Variants in ATOSA observed in about 807,000 individuals in gnomAD.
ATOSA encodes atos homolog protein A.
At chr15:52,665,846 T>C in the ATOSA span, among the ~76,000 whole-genome samples, 26 of 152,178 alleles carry the variant, frequency 1.7e-4, no homozygotes, top group Non-Finnish European at 1.9e-4. Flanking sequence ...ATTGGCCAAA[T>C]GACACAGGCA....
the ATOSA span, among the ~76,000 whole-genome samples, chr15:52,622,073 C>T: frequency 6.6e-6 from 1 of 152,054 alleles, no homozygotes; most frequent in African/African-American, 2.4e-5. Context: ...TCTCGAACTC[C>T]TGACCTCAAG....
At chr15:52,592,495 G>A in the ATOSA span, among the ~76,000 whole-genome samples, 3 of 152,066 alleles carry the variant, frequency 2.0e-5, no homozygotes, top group Non-Finnish European at 4.4e-5. Flanking sequence ...TTATCCACAA[G>A]CCATTGGAAT....
the ATOSA span, among the ~76,000 whole-genome samples, chr15:52,620,851 T>A: frequency 1.3e-5 from 2 of 152,090 alleles, no homozygotes; most frequent in Non-Finnish European, 2.9e-5. Flanking sequence ...GGAAGGAGGA[T>A]CACTTGAGCC....
chr15:52,605,612 A>G, the ATOSA span, among the ~76,000 whole-genome samples: 1 of 152,184 alleles, frequency 6.6e-6, no homozygotes, highest in Non-Finnish European at 1.5e-5. Flanking sequence ...GTGTATCTAC[A>G]TCTTATGTTT....
the ATOSA span, among the ~76,000 whole-genome samples, chr15:52,610,945 CAACA>C: frequency 1.3e-5 from 2 of 152,190 alleles, no homozygotes; most frequent in South Asian, 4.1e-4. Flanking sequence ...AAATTTAATA[CAACA>C]AACAAAATTC....
At chr15:52,684,709 T>TTTTC in the ATOSA span, among the ~76,000 whole-genome samples, 6 of 152,116 alleles carry the variant, frequency 3.9e-5, no homozygotes, top group Admixed American at 2.6e-4. Context: ...ACAGATCAGG[T>TTTTC]TTTCTTTCTT....
the ATOSA span, among the ~76,000 whole-genome samples, chr15:52,666,772 TCCCTG>T: frequency 6.6e-6 from 1 of 152,062 alleles, no homozygotes; most frequent in African/African-American, 2.4e-5. Flanking sequence ...CTAAATCCCT[TCCCTG>T]CCCTCATGAA....
the ATOSA span, among the ~76,000 whole-genome samples, chr15:52,617,204 A>G: frequency 6.6e-6 from 1 of 152,180 alleles, no homozygotes; most frequent in African/African-American, 2.4e-5. Flanking sequence ...GTAGCTTTAA[A>G]AGAAGAGAAA....
At chr15:52,611,688 G>T in the ATOSA span, 1 of 1,614,008 alleles carries the variant, frequency 6.2e-7, no homozygotes, top group Non-Finnish European at 8.5e-7. Context: ...TGTAGCAGCA[G>T]TCTGGTAGTA....
chr15:52,632,599 G>A, the ATOSA span, among the ~76,000 whole-genome samples: 1 of 152,138 alleles, frequency 6.6e-6, no homozygotes, highest in Non-Finnish European at 1.5e-5. Flanking sequence ...GGCACACTTT[G>A]CTATGATAGG....
chr15:52,604,296 T>A, the ATOSA span, among the ~76,000 whole-genome samples: 1 of 152,258 alleles, frequency 6.6e-6, no homozygotes, highest in African/African-American at 2.4e-5. Context: ...TGGAATTTTT[T>A]AAAGTTGTTT....
At chr15:52,703,902 C>T in the ATOSA span, among the ~76,000 whole-genome samples, 2 of 151,874 alleles carry the variant, frequency 1.3e-5, no homozygotes, top group South Asian at 2.1e-4. Flanking sequence ...AGTACTATAT[C>T]GCTGTGTAAA....
the ATOSA span, among the ~76,000 whole-genome samples, chr15:52,697,707 T>TA: frequency 2.6e-3 from 382 of 146,128 alleles, 6 homozygotes; most frequent in South Asian, 0.016. Context: ...GAACTACCAT[T>TA]AAAAAAAAAA....
the ATOSA span, among the ~76,000 whole-genome samples, chr15:52,697,719 A>G: frequency 1.3e-5 from 2 of 151,996 alleles, no homozygotes; most frequent in South Asian, 2.1e-4. Flanking sequence ...AAAAAAAAAG[A>G]TTTCTTCAAG....
At chr15:52,701,866 A>G in the ATOSA span, among the ~76,000 whole-genome samples, 1 of 152,120 alleles carries the variant, frequency 6.6e-6, no homozygotes, top group African/African-American at 2.4e-5. Flanking sequence ...GACCAGGGCC[A>G]AGGTGGGAGG....
chr15:52,658,697 G>A, the ATOSA span: 1 of 383,640 alleles, frequency 2.6e-6, no homozygotes, highest in Admixed American at 4.6e-5. Flanking sequence ...CAGGCATGGT[G>A]GCTCATGCTT....
chr15:52,629,764 T>C, the ATOSA span: 1 of 194,730 alleles, frequency 5.1e-6, no homozygotes, highest in Non-Finnish European at 1.1e-5. Flanking sequence ...ATTGTGCCAC[T>C]GCACTCCAGC....
At chr15:52,642,251 A>T in the ATOSA span, among the ~76,000 whole-genome samples, 1 of 152,308 alleles carries the variant, frequency 6.6e-6, no homozygotes, top group East Asian at 1.9e-4. Context: ...ACAAAAATCA[A>T]ATGAAAATAA....
chr15:52,694,540 T>G, the ATOSA span, among the ~76,000 whole-genome samples: 1 of 152,092 alleles, frequency 6.6e-6, no homozygotes, highest in Non-Finnish European at 1.5e-5. Flanking sequence ...GACTCAAGAA[T>G]TCCTGAAAAT....
Sources: allele counts gnomAD v4.1 joint callset (sites outside exome capture counted in the v4.1 genomes callset), GRCh38; gene constraint gnomAD v4.1.1; transcripts MANE v1.5; gene names NCBI Gene and HGNC (gene_info 2026-07-23, HGNC 2026-07-21).